The following DMD variants were observed in gnomAD, a reference collection of about 807,000 sequenced individuals.
DMD encodes the protein dystrophin, also known as mutant dystrophin.
A neutral mutation model predicts 330.1 loss-of-function variants in DMD; 63 were observed. The observed-to-expected ratio is 0.19, with a 90% confidence interval of 0.16 to 0.24. The LOEUF is 0.24. DMD is among the 10% of genes least tolerant of loss of function. The pLI, the probability that DMD is intolerant of heterozygous loss-of-function variation, is 1.00. For synonymous variants in DMD, 1,223 were observed against 959.8 expected (o/e 1.27, Z -5.07); for missense variants, 3,344 against 2,684.1 (o/e 1.25, Z -5.43).
At chrX:32,105,718 CT>C (rs1476253130) in intron 44 of DMD, among the ~76,000 whole-genome samples, 1 of 111,723 alleles carries the variant, frequency 9.0e-6, no homozygotes, top group Non-Finnish European at 1.9e-5. Flanking sequence ...AACTTTGTGT[CT>C]TTATACTGCT....
At chrX:32,745,716 C>A (rs1479903710) in intron 7 of DMD, among the ~76,000 whole-genome samples, 1 of 111,918 alleles carries the variant, frequency 8.9e-6, no homozygotes, top group Non-Finnish European at 1.9e-5. Flanking sequence ...TAAAAGTTTT[C>A]TCGAGGTAGT....
At chrX:32,087,711 C>G (rs1342395575) in intron 44 of DMD, among the ~76,000 whole-genome samples, 2 of 112,058 alleles carry the variant, frequency 1.8e-5, no homozygotes, top group African/African-American at 6.5e-5. Flanking sequence ...GAGGTTTTCT[C>G]TCTCTTCAGC....
At chrX:31,417,214 C>T (rs1027348696) in intron 60 of DMD, among the ~76,000 whole-genome samples, 8 of 112,334 alleles carry the variant, frequency 7.1e-5, no homozygotes, top group African/African-American at 1.6e-4. Context: ...TGTAGGTAAT[C>T]GGTATAAAGG....
chrX:32,573,201 G>T lies in DMD; in HGVS notation c.1812+329C>A, dbSNP rs5927081. Among the ~76,000 whole-genome samples the T allele has an allele frequency of 0.09, 10,071 of 111,481 alleles. 383 individuals are homozygous for T. Among genetic ancestry groups the T allele is most frequent in the Middle Eastern group, 0.12 (27 of 217 alleles). ...CTCACATATTATTCTGAGAATCAAC[G>T]TCAGTCTATTTTTTTAGAACTATGC... On this transcript the variant is annotated intron_variant, in intron 15 of 78. Transcript: ENST00000357033.
intron 43 of DMD, among the ~76,000 whole-genome samples, chrX:32,246,760 T>C (rs962055402): frequency 1.8e-5 from 2 of 109,549 alleles, no homozygotes; most frequent in Non-Finnish European, 3.8e-5. Flanking sequence ...TAGAGGTGTT[T>C]GTAGTATTCT....
chrX:32,091,055 C>T (rs2096471102), intron 44 of DMD, among the ~76,000 whole-genome samples: 1 of 112,434 alleles, frequency 8.9e-6, no homozygotes, highest in African/African-American at 3.2e-5. Flanking sequence ...TGCCACACAT[C>T]TTCTCAGGCA....
At chrX:32,724,379 A>C (rs2066645295) in intron 7 of DMD, among the ~76,000 whole-genome samples, 1 of 111,705 alleles carries the variant, frequency 9.0e-6, no homozygotes, top group Admixed American at 9.6e-5. Flanking sequence ...ATGAGGAACT[A>C]TGCAAATCTA....
At chrX:32,778,369 G>A (rs950197633) in intron 7 of DMD, among the ~76,000 whole-genome samples, 1 of 110,896 alleles carries the variant, frequency 9.0e-6, no homozygotes, top group African/African-American at 3.3e-5. Context: ...TACCATTGAG[G>A]GCAGTTTGTC....
chrX:33,324,132 CT>C (rs1398929711), intron 1 of DMD, among the ~76,000 whole-genome samples: 1 of 111,409 alleles, frequency 9.0e-6, no homozygotes, highest in Non-Finnish European at 1.9e-5. Context: ...CTTGGGTTGC[CT>C]TTTACCAGAA....
chrX:32,123,042 T>C (rs112256244), intron 44 of DMD, among the ~76,000 whole-genome samples: 1,766 of 106,321 alleles, frequency 0.017, 42 homozygotes, highest in African/African-American at 0.057. Flanking sequence ...TGAAGACGCT[T>C]TGACCTTGAG....
At chrX:33,304,445 C>A (rs376645487) in intron 1 of DMD, among the ~76,000 whole-genome samples, 2 of 110,629 alleles carry the variant, frequency 1.8e-5, no homozygotes, top group Non-Finnish European at 3.8e-5. Context: ...AAACGTTAGA[C>A]CTAAAACCAT....
chrX:32,182,315 T>C (rs2096929883), intron 44 of DMD, among the ~76,000 whole-genome samples: 1 of 112,458 alleles, frequency 8.9e-6, no homozygotes, highest in South Asian at 3.6e-4. Context: ...TTATTGGATA[T>C]GTAATTTTAT....
intron 57 of DMD, among the ~76,000 whole-genome samples, chrX:31,490,655 C>G: frequency 8.9e-6 from 1 of 112,467 alleles, no homozygotes; most frequent in East Asian, 2.8e-4. Flanking sequence ...GGGAACAACG[C>G]ATTTTTCTTA....
At chrX:32,458,468 C>T (rs12391734) in intron 25 of DMD, among the ~76,000 whole-genome samples, 6,359 of 110,989 alleles carry the variant, frequency 0.057, 240 homozygotes, top group African/African-American at 0.12. Context: ...GGTGCAGATA[C>T]CTCCTTGAGA....
At chrX:32,866,344 G>C (rs1209644539) in intron 2 of DMD, among the ~76,000 whole-genome samples, 1 of 112,258 alleles carries the variant, frequency 8.9e-6, no homozygotes, top group Non-Finnish European at 1.9e-5. Context: ...TTAACCTACT[G>C]AGTTTCAAGG....
chrX:32,286,898 T>C (rs2097444053), intron 43 of DMD, among the ~76,000 whole-genome samples: 2 of 112,051 alleles, frequency 1.8e-5, no homozygotes, highest in African/African-American at 6.5e-5. Flanking sequence ...ACTTTATTAC[T>C]TTTAATCTAA....
intron 47 of DMD, among the ~76,000 whole-genome samples, chrX:31,887,976 C>T (rs190002280): frequency 1.1e-3 from 124 of 112,060 alleles, no homozygotes; most frequent in Non-Finnish European, 1.9e-3. Flanking sequence ...ACTTTGAAAA[C>T]GCTTATGTCC....
At chrX:32,781,372 C>T (rs2074740980) in intron 7 of DMD, among the ~76,000 whole-genome samples, 1 of 111,354 alleles carries the variant, frequency 9.0e-6, no homozygotes, top group Admixed American at 9.6e-5. Context: ...CAAAGTGAAA[C>T]ATGAGAAGGA....
chrX:32,528,991 G>A (rs757619529), intron 17 of DMD, among the ~76,000 whole-genome samples: 2 of 102,508 alleles, frequency 2.0e-5, no homozygotes, highest in East Asian at 3.1e-4. Flanking sequence ...ACACAATCTT[G>A]GCTCACTGCA....
Sources: allele counts gnomAD v4.1 joint callset (sites outside exome capture counted in the v4.1 genomes callset), GRCh38; gene constraint gnomAD v4.1.1; transcripts MANE v1.5; gene names NCBI Gene and HGNC (gene_info 2026-07-23, HGNC 2026-07-21).